The following HHIPL2 variants were observed in gnomAD, a reference collection of about 807,000 sequenced individuals.
HHIPL2 encodes the protein HHIP like 2, also known as HHIP-like protein 2.
Under a neutral mutation model 61.0 loss-of-function variants are expected in HHIPL2, and 61 were observed. That is an observed-to-expected ratio of 1.00 (90% confidence interval 0.81 to 1.24). HHIPL2 has a LOEUF of 1.24. Among genes scored for constraint, HHIPL2 ranks in the 50% most tolerant of loss-of-function variants. The probability of loss-of-function intolerance (pLI) is 0.00; values close to 1 mark genes in which losing one functional copy is unlikely to be tolerated. For synonymous variants in HHIPL2, 343 were observed against 357.4 expected (o/e 0.96, Z 0.45); for missense variants, 885 against 910.2 (o/e 0.97, Z 0.36).
At chr1:222,536,006 G>A (rs2889933) in intron 5 of HHIPL2, among the ~76,000 whole-genome samples, 2,987 of 151,866 alleles carry the variant, frequency 0.02, 91 homozygotes, top group African/African-American at 0.063. Context: ...AGTAGTACTC[G>A]GGGGGAAATT....
chr1:222,536,433 A>G (rs1168671211), intron 5 of HHIPL2, among the ~76,000 whole-genome samples: 4 of 152,340 alleles, frequency 2.6e-5, no homozygotes, highest in African/African-American at 9.6e-5. Context: ...AGACTACCAA[A>G]GCTCACTCAG....
chr1:222,526,807 A>G (rs773817685), intron 7 of HHIPL2, among the ~76,000 whole-genome samples, 162 bp downstream of exon 7: 3 of 151,934 alleles, frequency 2.0e-5, no homozygotes, highest in Non-Finnish European at 2.9e-5. Context: ...CAAGTATTCC[A>G]TAATTGCTAT....
intron 7 of HHIPL2, chr1:222,524,833 G>A (rs1266129525): frequency 6.6e-6 from 1 of 152,296 alleles, no homozygotes; most frequent in Non-Finnish European, 1.5e-5. Flanking sequence ...TATATGATTC[G>A]ATATAATTAT....
intron 6 of HHIPL2, among the ~76,000 whole-genome samples, chr1:222,529,811 A>G (rs977903105): frequency 2.0e-5 from 3 of 152,212 alleles, no homozygotes; most frequent in African/African-American, 7.2e-5. Context: ...CATACCAGCT[A>G]TCAACTCTCA....
At position 222,522,624 on chromosome 1, in the gene HHIPL2, G is replaced by A. The variant is rs766755497; in HGVS notation, c.2152C>T (p.Arg718Ter). ...GRMRPSAEQK[R>*]AGRSLP ...GGTCAAGGGAGACTTCTGCCAGCTC[G>A]CTTCTGCTCTGCTGATGGCCTCATC... The change falls in exon 9 of 9, where the codon CGA becomes TGA. Residue 718 changes from arginine (R) to a stop codon, truncating the protein, a stop_gained. Coordinates refer to ENST00000343410, the MANE Select transcript of HHIPL2 (RefSeq NM_024746.4). LOFTEE classifies it high-confidence loss of function. 15 of 1,613,500 alleles carry A rather than the reference G, an allele frequency of 9.3e-6. No individual in the cohort carries two copies. The highest frequency in any genetic ancestry group is 6.6e-5 in the South Asian group (6 of 91,054).
At position 222,540,280 on chromosome 1, in the gene HHIPL2, G is replaced by A. The variant is rs548883263; in HGVS notation, c.1180C>T (p.Arg394Trp). ...DVNRAGSHGK[R>W]YRVPSDNPFV... is the part of the protein sequence containing the mutation. Reference sequence around the variant, plus strand: ...GGATTGTCCGAGGGGACTCGGTACCGCTTGCCATGTGAGCCTGCCCTGTTC... The same window carrying A: ...GGATTGTCCGAGGGGACTCGGTACCACTTGCCATGTGAGCCTGCCCTGTTC... The change falls in exon 4 of 9, where the codon CGG (arginine) becomes TGG (tryptophan). Residue 394 changes from arginine to tryptophan, a missense_variant. By Grantham distance (101) the Arg-to-Trp change is moderately radical (BLOSUM62 -3). Transcript: ENST00000343410. 35 of 1,614,180 alleles carry A rather than the reference G, an allele frequency of 2.2e-5. No individual in the cohort carries two copies. Among genetic ancestry groups the A allele is most frequent in the African/African-American group, 5.3e-5 (4 of 75,046 alleles).
Position 222,522,899 on chromosome 1 carries a change from G to T in HHIPL2, c.1889-12C>A. 1 of 1,602,230 alleles carries T rather than the reference G, an allele frequency of 6.2e-7. No homozygotes were observed. The highest frequency in any genetic ancestry group is 8.5e-7 in the Non-Finnish European group (1 of 1,174,174). On this transcript the variant is annotated splice_polypyrimidine_tract_variant and intron_variant, in intron 8 of 8. Coordinates refer to ENST00000343410, the MANE Select transcript of HHIPL2 (RefSeq NM_024746.4). ...GTCCAAGACTGTCTCTGAGAAATCA[G>T]TATTTATTTAGTGAAAAATATAAGT...
At position 222,530,726 on chromosome 1, in the gene HHIPL2, T is replaced by C. The variant is rs1411136166; in HGVS notation, c.1723+1240A>G. Among the ~76,000 whole-genome samples the C allele has an allele frequency of 6.3e-5, 3 of 47,406 alleles. No individual in the cohort carries two copies. In the Admixed American group the frequency reaches 8.4e-4, roughly 13 times the overall value. The allele number at this position is 47,406 out of a possible 152,430, so 31.1% of individuals were successfully genotyped here. A position where few individuals can be genotyped will look rare whatever the true frequency, so the allele number is the denominator to read the frequency against. ...TCTGGTTTATACCTATAGAGAATCTTTTTTTTTAAATTTTTTCTTTTCTTG... is the reference window on the plus strand; with the variant it reads ...TCTGGTTTATACCTATAGAGAATCTCTTTTTTTAAATTTTTTCTTTTCTTG... On this transcript the variant is annotated intron_variant, in intron 6 of 8. Transcript: ENST00000343410.
chr1:222,533,364 C>CAAA lies in HHIPL2; in HGVS notation c.1578-1256_1578-1254dup, dbSNP rs11432197. Among the ~76,000 whole-genome samples the CAAA allele has an allele frequency of 3.3e-3, 417 of 127,928 alleles. 6 individuals carry two copies. The highest frequency in any genetic ancestry group is 0.011 in the African/African-American group (394 of 35,844). 83.9% of individuals were successfully genotyped at this position (127,928 alleles called of 152,430 possible). On this transcript the variant is annotated intron_variant, in intron 5 of 8. Transcript: ENST00000343410. ...TGGGTGACAGAGGGAGACTCTGTCT[C>CAAA]AAAAAAAAAAAAGAAAAAAAGAAAA...
chr1:222,543,754 G>T lies in HHIPL2; in HGVS notation c.757C>A (p.Gln253Lys), dbSNP rs1332071311. Residue 253 changes from glutamine (Q) to lysine (K), a missense_variant, in exon 2 of 9, where the codon CAA becomes AAA. Coordinates refer to ENST00000343410, the MANE Select transcript of HHIPL2 (RefSeq NM_024746.4). ...ATGTTCTTGAGGTCCAGGAAGGGTT[G>T]CTCCAGGCGACTCCCATCAGGGAGG... ...VYLPDGSRLE[Q>K]PFLDLKNIVL... 5 of 1,614,166 alleles carry T rather than the reference G, an allele frequency of 3.1e-6. No homozygotes were observed. Among genetic ancestry groups the T allele is most frequent in the Non-Finnish European group, 4.2e-6 (5 of 1,180,038 alleles).
intron 5 of HHIPL2, 133 bp from the exon 6 acceptor site, chr1:222,532,244 C>G (rs1311802259): frequency 1.4e-6 from 1 of 693,066 alleles, no homozygotes; most frequent in Non-Finnish European, 2.2e-6. Context: ...TAGCCTGCCT[C>G]CAAGCAACCA....
At chr1:222,533,475 A>T (rs1280169783) in intron 5 of HHIPL2, among the ~76,000 whole-genome samples, 1 of 152,280 alleles carries the variant, frequency 6.6e-6, no homozygotes, top group Admixed American at 6.5e-5. Flanking sequence ...GGAGAAAAAC[A>T]TGAAGAACAA....
At chr1:222,542,548 T>TTTTTTTG (rs1659455510) in intron 2 of HHIPL2, among the ~76,000 whole-genome samples, 1 of 148,424 alleles carries the variant, frequency 6.7e-6, no homozygotes, top group Admixed American at 6.7e-5. Flanking sequence ...TTTTTTTTTT[T>TTTTTTTG]GAGATGGAGT....
At chr1:222,546,821 C>T (rs992482891) in intron 1 of HHIPL2, among the ~76,000 whole-genome samples, 1 of 152,196 alleles carries the variant, frequency 6.6e-6, no homozygotes, top group African/African-American at 2.4e-5. Context: ...CAGTGGTCTG[C>T]AGGCTCAGGA....
At chr1:222,540,456 C>T (rs865824595) in intron 3 of HHIPL2, 115 bp from the exon 4 acceptor site, 1 of 764,690 alleles carries the variant, frequency 1.3e-6, no homozygotes, top group Middle Eastern at 3.5e-4. Flanking sequence ...GCTAAGGATC[C>T]CATGGGAAGA....
rs576986667 is a variant in HHIPL2 at position 222,522,571 on chromosome 1, G to A, written c.*30C>T. The A allele has an allele frequency of 9.4e-6, 15 of 1,601,192 alleles. No homozygotes were observed. Among genetic ancestry groups the A allele is most frequent in the African/African-American group, 2.7e-5 (2 of 74,670 alleles). On this transcript the variant is annotated 3_prime_UTR_variant, in exon 9 of 9. Transcript: ENST00000343410. ...TGATGAGGTGGCTCTCCTCTCTCAC[G>A]TCACCCTGTCGGCCACCTTGACCAA...
chr1:222,528,333 G>A (rs963944832), intron 6 of HHIPL2, among the ~76,000 whole-genome samples: 6 of 152,226 alleles, frequency 3.9e-5, no homozygotes, highest in African/African-American at 7.2e-5. Flanking sequence ...CAGGCCGGGC[G>A]CGGTAGCTCA....
chr1:222,527,922 G>A (rs778765917), intron 6 of HHIPL2, among the ~76,000 whole-genome samples: 2 of 152,104 alleles, frequency 1.3e-5, no homozygotes, highest in African/African-American at 2.4e-5. Context: ...GTGGAACTGT[G>A]AGTCCACTAA....
In HHIPL2 at chr1:222,526,637, G is replaced by A. The variant is rs999314501; in HGVS notation, c.1805+332C>T. Among the ~76,000 whole-genome samples the A allele has an allele frequency of 3.7e-4, 55 of 150,450 alleles. 1 individual carries two copies. Among genetic ancestry groups the A allele is most frequent in the Admixed American group, 3.4e-3 (51 of 15,040 alleles). ...GGAATATCGCTTGAACCTGGGAGGC[G>A]GAGGTCGCGGTGAGACAAGATGGCA... On this transcript the variant is annotated intron_variant, in intron 7 of 8. Transcript: ENST00000343410.
Sources: gnomAD v4.1 joint callset for allele counts (sites outside exome capture counted in the v4.1 genomes callset) on GRCh38, gnomAD v4.1.1 for gene constraint, MANE v1.5 for transcripts, NCBI Gene and HGNC (gene_info 2026-07-23, HGNC 2026-07-21) for gene names.